The following ZFYVE28 variants were observed in gnomAD, a reference collection of about 807,000 sequenced individuals.
The protein encoded by ZFYVE28 is zinc finger FYVE-type containing 28, also known as lateral signaling target protein 2 homolog.
ZFYVE28 carries 40 observed loss-of-function variants against 82.1 expected under a neutral mutation model. The ratio of observed to expected loss-of-function variants is 0.49; its 90% CI spans 0.38 to 0.63. The LOEUF (loss-of-function observed/expected upper bound fraction) is 0.63, where lower values mean the gene tolerates loss of function less well. ZFYVE28 is among the 30% of genes least tolerant of loss of function. ZFYVE28 has a pLI of 0.00. For missense variants in ZFYVE28, 1,321 were observed against 1,242.1 expected (o/e 1.06, Z -0.96); for synonymous variants, 612 against 546.1 (o/e 1.12, Z -1.68).
In ZFYVE28 at chr4:2,300,894, C is replaced by T. The variant is rs114687964; in HGVS notation, c.2051+3395G>A. On this transcript the variant is annotated intron_variant, in intron 8 of 12. Coordinates refer to ENST00000290974, the MANE Select transcript of ZFYVE28 (RefSeq NM_020972.3). The surrounding 1 kb of genome is among the most constrained non-coding windows in gnomAD (Gnocchi z 4.6). ...GAGCGGGTCTCACGGCCAAACAGGCCCGGGCTCTTCCAGATGCTCTCAGCT... is the reference window on the plus strand; with the variant it reads ...GAGCGGGTCTCACGGCCAAACAGGCTCGGGCTCTTCCAGATGCTCTCAGCT... 0.011 allele frequency among the ~76,000 whole-genome samples: 1,747 copies of T among 152,210 alleles called. 28 individuals carry two copies. The highest frequency in any genetic ancestry group is 0.04 in the African/African-American group (1,646 of 41,506).
chr4:2,285,490 G>A (rs1712588367), intron 8 of ZFYVE28: 1 of 152,308 alleles, frequency 6.6e-6, no homozygotes, highest in Admixed American at 6.5e-5. Context: ...TTTCTTCTGA[G>A]CAGGCTGGAA....
At chr4:2,317,528 A>G (rs967102789) in intron 7 of ZFYVE28, among the ~76,000 whole-genome samples, 1 of 152,204 alleles carries the variant, frequency 6.6e-6, no homozygotes, top group African/African-American at 2.4e-5. Flanking sequence ...CAAAGTCTGC[A>G]GGAGACCGAG....
intron 1 of ZFYVE28, among the ~76,000 whole-genome samples, chr4:2,383,314 G>C (rs918477502): frequency 6.6e-6 from 1 of 152,082 alleles, no homozygotes; most frequent in Non-Finnish European, 1.5e-5. Context: ...TGGTGACTAA[G>C]TCTCACGAGA....
intron 8 of ZFYVE28, among the ~76,000 whole-genome samples, chr4:2,302,162 T>C (rs960102409): frequency 6.6e-6 from 1 of 152,238 alleles, no homozygotes; most frequent in Non-Finnish European, 1.5e-5. Flanking sequence ...GGTGTGTATC[T>C]GAACATCCAC....
rs1733042028 is a variant in ZFYVE28 at position 2,416,417 on chromosome 4, G to A, written c.39+1868C>T. On this transcript the variant is annotated intron_variant, in intron 1 of 12. Transcript: ENST00000290974. The surrounding 1 kb of genome is among the most constrained non-coding windows in gnomAD (Gnocchi z 4.6). ...CAAGTGCCTTCAGCGACACCAGAATGTTAGTTAAGACCTAAGACACATTTC... is the reference window on the plus strand; with the variant it reads ...CAAGTGCCTTCAGCGACACCAGAATATTAGTTAAGACCTAAGACACATTTC... Among the ~76,000 whole-genome samples the A allele has an allele frequency of 6.6e-6, 1 of 152,204 alleles. No homozygotes were observed. Among genetic ancestry groups the A allele is most frequent in the South Asian group, 2.1e-4 (1 of 4,834 alleles).
chr4:2,366,984 A>G (rs561061260), intron 1 of ZFYVE28, among the ~76,000 whole-genome samples: 1 of 152,392 alleles, frequency 6.6e-6, no homozygotes, highest in South Asian at 2.1e-4. Flanking sequence ...TCAAAGGGAA[A>G]ATGAATTTTC....
At position 2,270,392 on chromosome 4, in the gene ZFYVE28, C is replaced by G; in HGVS notation, c.*333G>C. On this transcript the variant is annotated 3_prime_UTR_variant, in exon 13 of 13. Transcript: ENST00000290974. Reference sequence around the variant, plus strand: ...CCCACTCTTGTCCACCTCCATCACCCGCCCCGATTCCCATAGCCCCAGCAG... The same window carrying G: ...CCCACTCTTGTCCACCTCCATCACCGGCCCCGATTCCCATAGCCCCAGCAG... 8.5e-6 allele frequency: 3 copies of G among 354,426 alleles called. No homozygotes were observed. The highest frequency in any genetic ancestry group is 1.6e-5 in the Non-Finnish European group (3 of 187,328). The allele number at this position is 354,426 out of a possible 1,614,324, so 22.0% of individuals were successfully genotyped here.
At chr4:2,317,155 A>C (rs1456082890) in intron 7 of ZFYVE28, among the ~76,000 whole-genome samples, 1 of 151,286 alleles carries the variant, frequency 6.6e-6, no homozygotes, top group African/African-American at 2.4e-5. Context: ...TGTCTGGCTA[A>C]TTTTTGTATT....
At chr4:2,284,783 G>C (rs972163328) in intron 8 of ZFYVE28, among the ~76,000 whole-genome samples, 1 of 152,146 alleles carries the variant, frequency 6.6e-6, no homozygotes, top group Non-Finnish European at 1.5e-5. Context: ...TCCAGGAATC[G>C]GCTCTGGAAC....
chr4:2,387,900 C>T (rs1437386897), intron 1 of ZFYVE28, among the ~76,000 whole-genome samples: 3 of 152,206 alleles, frequency 2.0e-5, no homozygotes, highest in Non-Finnish European at 2.9e-5. Context: ...GACAGCAGGA[C>T]CCCTGAGCCT....
At chr4:2,327,186 G>A (rs1004526191) in intron 6 of ZFYVE28, among the ~76,000 whole-genome samples, 8 of 148,720 alleles carry the variant, frequency 5.4e-5, no homozygotes, top group African/African-American at 2.0e-4. Flanking sequence ...GTAGGTGGAG[G>A]TTGTAGTGAG....
intron 2 of ZFYVE28, among the ~76,000 whole-genome samples, chr4:2,351,014 A>G (rs992896765): frequency 6.6e-6 from 1 of 152,208 alleles, no homozygotes; most frequent in East Asian, 1.9e-4. Context: ...GAGCCACTCT[A>G]CAAATTTATC....
At chr4:2,308,229 C>G (rs749282078) in intron 7 of ZFYVE28, among the ~76,000 whole-genome samples, 1 of 152,102 alleles carries the variant, frequency 6.6e-6, no homozygotes, top group Non-Finnish European at 1.5e-5. Flanking sequence ...AAGAGCTCCT[C>G]CCACCTCAGC....
At chr4:2,316,411 T>C (rs1293797502) in intron 7 of ZFYVE28, 1 of 152,352 alleles carries the variant, frequency 6.6e-6, no homozygotes, top group Non-Finnish European at 1.5e-5. Flanking sequence ...CTGATCAGCA[T>C]AGCACACTAG....
chr4:2,308,622 G>GAAGAAAGAAAGAAAGA (rs1238806821), intron 7 of ZFYVE28, among the ~76,000 whole-genome samples: 35 of 81,750 alleles, frequency 4.3e-4, no homozygotes, highest in Non-Finnish European at 6.0e-4. Context: ...AAGAAAGAAA[G>GAAGAAAGAAAGAAAGA]AAGACAGAAA....
chr4:2,340,131 C>T (rs1444601529), intron 3 of ZFYVE28, among the ~76,000 whole-genome samples: 3 of 152,144 alleles, frequency 2.0e-5, no homozygotes, highest in Non-Finnish European at 4.4e-5. Flanking sequence ...CTGATCCGGG[C>T]CCGAGGTCCC....
chr4:2,299,168 G>A (rs11947037), intron 8 of ZFYVE28, among the ~76,000 whole-genome samples: 9,694 of 152,206 alleles, frequency 0.064, 680 homozygotes, highest in East Asian at 0.2. Flanking sequence ...TCCAAAAAGC[G>A]TGACATCCCA....
rs145204862 is a variant in ZFYVE28, at chr4:2,343,096, C to G, written c.181-1481G>C. ...TGTTAACTCACTCCTTTGTCTTCTGCTGGACACTGACGATGTGCCTAATCC... is the reference window on the plus strand; with the variant it reads ...TGTTAACTCACTCCTTTGTCTTCTGGTGGACACTGACGATGTGCCTAATCC... On this transcript the variant is annotated intron_variant, in intron 2 of 12. Coordinates refer to ENST00000290974, the MANE Select transcript of ZFYVE28 (RefSeq NM_020972.3). 2.0e-5 allele frequency: 3 copies of G among 152,344 alleles called. No individual in the cohort carries two copies. The East Asian group carries it at 5.8e-4, about 29-fold the overall frequency. The allele number at this position is 152,344 out of a possible 1,614,324, so 9.4% of individuals were successfully genotyped here.
At chr4:2,314,365 C>T (rs1324809716) in intron 7 of ZFYVE28, among the ~76,000 whole-genome samples, 1 of 152,192 alleles carries the variant, frequency 6.6e-6, no homozygotes, top group Non-Finnish European at 1.5e-5. Context: ...CTTGGTTTTA[C>T]ACTTAGAATA....
Sources: allele counts gnomAD v4.1 joint callset (sites outside exome capture counted in the v4.1 genomes callset), GRCh38; gene constraint gnomAD v4.1.1; non-coding constraint Gnocchi (gnomAD v3.1); transcripts MANE v1.5; gene names NCBI Gene and HGNC (gene_info 2026-07-23, HGNC 2026-07-21).